The following CELF2 variants were observed in gnomAD, a reference collection of about 807,000 sequenced individuals.
CELF2 encodes CUG triplet repeat RNA-binding protein 2.
A neutral mutation model predicts 62.6 loss-of-function variants in CELF2; 8 were observed. The ratio of observed to expected loss-of-function variants is 0.13; its 90% CI spans 0.07 to 0.23. The LOEUF (loss-of-function observed/expected upper bound fraction) is 0.23, where lower values mean the gene tolerates loss of function less well. CELF2 is among the 10% of genes least tolerant of loss of function. The pLI is 1.00. For synonymous variants in CELF2, 258 were observed against 250.0 expected, an observed-to-expected ratio of 1.03 and a Z score of -0.30; for missense variants, 333 against 671.0, an observed-to-expected ratio of 0.50 and a Z score of 5.56.
Position 11,329,779 on chromosome 10 carries a change from AAAAAAT to A in CELF2, c.*733_*738del, listed in dbSNP as rs1211727787. 6.6e-6 allele frequency: 1 copy of A among 152,204 alleles called. No individual in the cohort carries two copies. Among genetic ancestry groups the A allele is most frequent in the Non-Finnish European group, 1.5e-5 (1 of 68,028 alleles). 9.4% of individuals were successfully genotyped at this position (152,204 alleles called of 1,614,324 possible). ...TCTGTTTCTTAAAGCTACAGGGTTTAAAAAATAAAAATGAGTGAAAATACTTGATGT... is the reference window on the plus strand; with the variant it reads ...TCTGTTTCTTAAAGCTACAGGGTTTAAAAAATGAGTGAAAATACTTGATGT... On this transcript the variant is annotated 3_prime_UTR_variant, in exon 13 of 13. Transcript: ENST00000633077. The surrounding 1 kb of genome is among the most constrained non-coding windows in gnomAD (Gnocchi z 5.5).
chr10:11,205,999 T>C (rs1304187092), intron 2 of CELF2, among the ~76,000 whole-genome samples: 1 of 152,228 alleles, frequency 6.6e-6, no homozygotes, highest in Non-Finnish European at 1.5e-5. Context: ...AGGAAGTAGA[T>C]TATGACGTCC....
chr10:11,096,228 T>C (rs1339724006), intron 1 of CELF2: 1 of 152,260 alleles, frequency 6.6e-6, no homozygotes, highest in East Asian at 1.9e-4. Flanking sequence ...AGTGCTATGT[T>C]ATGAATGGAT....
intron 1 of CELF2, among the ~76,000 whole-genome samples, chr10:10,891,710 G>A (rs1273252448): frequency 6.6e-6 from 1 of 152,188 alleles, no homozygotes. Flanking sequence ...AGCTGCACGG[G>A]CAGACTGGAT....
At chr10:10,724,183 AC>A in the CELF2 span, among the ~76,000 whole-genome samples, 1 of 152,186 alleles carries the variant, frequency 6.6e-6, no homozygotes, top group Non-Finnish European at 1.5e-5. Flanking sequence ...AAAAATTAAA[AC>A]TTTTTTACAT....
intron 1 of CELF2, among the ~76,000 whole-genome samples, chr10:11,133,494 CTG>C (rs1223893849): frequency 4.6e-5 from 7 of 152,148 alleles, no homozygotes; most frequent in Non-Finnish European, 8.8e-5. Flanking sequence ...ATGGTAATAA[CTG>C]TGGTCATTGT....
intron 1 of CELF2, among the ~76,000 whole-genome samples, chr10:10,824,809 A>T (rs1590836224): frequency 1.3e-5 from 2 of 152,332 alleles, no homozygotes; most frequent in East Asian, 3.9e-4. Flanking sequence ...TGAATTGTTA[A>T]GTTGAAGCTT....
At chr10:10,579,329 C>T in the CELF2 span, among the ~76,000 whole-genome samples, 1 of 152,138 alleles carries the variant, frequency 6.6e-6, no homozygotes, top group Non-Finnish European at 1.5e-5. Context: ...GAGCATCTTA[C>T]TGTCTTTAGA....
intron 2 of CELF2, among the ~76,000 whole-genome samples, chr10:11,200,321 G>A (rs955423065): frequency 5.9e-5 from 9 of 152,046 alleles, no homozygotes; most frequent in African/African-American, 9.7e-5. Context: ...CTTTGTTCCC[G>A]TACCAAAATG....
the CELF2 span, among the ~76,000 whole-genome samples, chr10:10,543,182 G>A: frequency 6.6e-6 from 1 of 152,122 alleles, no homozygotes; most frequent in Non-Finnish European, 1.5e-5. Context: ...CCTGGTGGCT[G>A]GGGAGCCAAG....
At chr10:10,792,512 A>T in the CELF2 span, 1 of 398,056 alleles carries the variant, frequency 2.5e-6, no homozygotes, top group African/African-American at 2.1e-5. Flanking sequence ...CCTCTTAAAA[A>T]CAGATGAGGA....
chr10:10,845,462 T>TAC (rs3028995), intron 1 of CELF2, among the ~76,000 whole-genome samples: 1 of 151,470 alleles, frequency 6.6e-6, no homozygotes, highest in Non-Finnish European at 1.5e-5. Flanking sequence ...AAGCAAAACA[T>TAC]ACACACACAC....
At chr10:10,999,790 C>T (rs1428806938) in intron 2 of CELF2, among the ~76,000 whole-genome samples, 1 of 152,184 alleles carries the variant, frequency 6.6e-6, no homozygotes, top group Non-Finnish European at 1.5e-5. Flanking sequence ...GTGCAGTTTA[C>T]TTCTTAGGAT....
the CELF2 span, among the ~76,000 whole-genome samples, chr10:10,543,413 A>G: frequency 7.2e-5 from 11 of 152,220 alleles, no homozygotes; most frequent in South Asian, 1.9e-3. Flanking sequence ...TACAGGAGCT[A>G]GTGACCTGCA....
At chr10:10,544,835 G>A in the CELF2 span, among the ~76,000 whole-genome samples, 18 of 152,288 alleles carry the variant, frequency 1.2e-4, no homozygotes, top group South Asian at 2.1e-4. Flanking sequence ...AATAGCCATC[G>A]AACAACCCTT....
chr10:10,945,423 C>T lies in CELF2; in HGVS notation c.89+25424C>T, dbSNP rs554278608. 2.3e-4 allele frequency among the ~76,000 whole-genome samples: 35 copies of T among 152,280 alleles called. 1 individual carries two copies. Among genetic ancestry groups the T allele is most frequent in the Middle Eastern group, 6.8e-3 (2 of 294 alleles). ...AGCATTTTGTTAGGGAAGTGACAAG[C>T]CCCACCTGCGGCCTTCCACCCTGTA... On this transcript the variant is annotated intron_variant, in intron 2 of 13. Coordinates refer to the CELF2 transcript ENST00000636488.
intron 2 of CELF2, among the ~76,000 whole-genome samples, chr10:10,981,950 C>CTTTTTTT (rs34134637): frequency 7.2e-5 from 9 of 125,354 alleles, no homozygotes; most frequent in East Asian, 2.2e-4. Context: ...CTTCCTTTTC[C>CTTTTTTT]TTTTTTTTTT....
the CELF2 span, among the ~76,000 whole-genome samples, chr10:10,770,467 G>A: frequency 6.6e-6 from 1 of 152,098 alleles, no homozygotes; most frequent in Non-Finnish European, 1.5e-5. Flanking sequence ...GCAGCTGGGG[G>A]AGAGGGTTCA....
At chr10:10,778,434 A>G in the CELF2 span, among the ~76,000 whole-genome samples, 5 of 152,248 alleles carry the variant, frequency 3.3e-5, no homozygotes, top group African/African-American at 1.2e-4. Context: ...CCAGGAAAAG[A>G]GAGAAAAATT....
intron 2 of CELF2, among the ~76,000 whole-genome samples, chr10:10,989,428 C>A (rs2476148): frequency 0.075 from 11,403 of 152,032 alleles, 1,465 homozygotes; most frequent in African/African-American, 0.26. Flanking sequence ...TGTAAACATA[C>A]ACATCTTACC....
Sources: allele counts gnomAD v4.1 joint callset (sites outside exome capture counted in the v4.1 genomes callset), GRCh38; gene constraint gnomAD v4.1.1; non-coding constraint Gnocchi (gnomAD v3.1); transcripts MANE v1.5; gene names NCBI Gene and HGNC (gene_info 2026-07-23, HGNC 2026-07-21).